The following FBXL15 variants were observed in gnomAD, a reference collection of about 807,000 sequenced individuals.
FBXL15 encodes F-box/LRR-repeat protein 15.
FBXL15 carries 19 observed loss-of-function variants against 23.6 expected under a neutral mutation model. The ratio of observed to expected loss-of-function variants is 0.81; its 90% confidence interval spans 0.56 to 1.18. The LOEUF (loss-of-function observed/expected upper bound fraction) is 1.18. FBXL15 is among the 50% of genes most tolerant of loss of function. The probability of loss-of-function intolerance (pLI) is 0.00; values close to 1 mark genes in which losing one functional copy is unlikely to be tolerated. For missense variants in FBXL15, 385 were observed against 425.4 expected (o/e 0.91, Z 0.83); for synonymous variants, 224 against 207.7 (o/e 1.08, Z -0.67).
At position 102,421,080 on chromosome 10, in the gene FBXL15, TC is replaced by T; in HGVS notation, c.-48del. ...AAGGAGGCGGGTTTGGTGCGGCCAC[TC>T]CAAGGCCAAAGCGAGAAAATCTTAC... On this transcript the variant is annotated 5_prime_UTR_variant, in exon 1 of 4. Coordinates refer to ENST00000369956, the MANE Select transcript of FBXL15 (RefSeq NM_024326.4). The T allele has an allele frequency of 1.9e-6, 3 of 1,575,052 alleles. No individual in the cohort carries two copies. Among genetic ancestry groups the T allele is most frequent in the Non-Finnish European group, 2.6e-6 (3 of 1,159,430 alleles).
Position 102,422,898 on chromosome 10 carries a change from G to A in FBXL15, c.808G>A (p.Gly270Ser), listed in dbSNP as rs2061579342. 3 of 1,609,208 alleles carry A rather than the reference G, an allele frequency of 1.9e-6. No homozygotes were observed. Among genetic ancestry groups the A allele is most frequent in the Non-Finnish European group, 2.5e-6 (3 of 1,178,550 alleles). ...ESSLSRLRKRGVDIDVEPPLH... is the reference protein window; with the variant it reads ...ESSLSRLRKRSVDIDVEPPLH... ...CAGCCTGAGCCGCTTGCGGAAGCGC[G>A]GCGTGGACATCGACGTGGAGCCGCC... is the stretch of plus-strand genomic sequence containing the variant. Residue 270 changes from glycine to serine, a missense_variant, in exon 4 of 4, where the codon GGC (glycine) becomes AGC (serine). By Grantham distance (56) the Gly-to-Ser change is moderately conservative. This residue lies in a region of FBXL15 where 255 missense variants were observed against 330.2 expected (regional missense o/e 0.77). Coordinates refer to ENST00000369956, the MANE Select transcript of FBXL15 (RefSeq NM_024326.4).
At chr10:102,421,653 G>A (rs1316043105) in intron 2 of FBXL15, 134 bp from the exon 3 acceptor site, 8 of 1,433,100 alleles carry the variant, frequency 5.6e-6, no homozygotes, top group Non-Finnish European at 7.3e-6. Flanking sequence ...CAAATACTCG[G>A]TAGCGACTCA....
In FBXL15 at chr10:102,422,814, G is replaced by T; in HGVS notation, c.724G>T (p.Glu242Ter). Residue 242 changes from glutamate (E) to a stop codon, truncating the protein, a stop_gained, in exon 4 of 4, where the codon GAG (glutamate) becomes TAG (stop). Transcript: ENST00000369956. LOFTEE classifies it high-confidence loss of function. ...VGSDGVRTLA[E>*]YCPVLRSLRV... The stretch of plus-strand genomic sequence containing the variant: ...CTGCTCCTCCCTCAGGACATTGGCC[G>T]AGTACTGCCCCGTGCTGCGTTCGCT... The T allele has an allele frequency of 1.2e-6, 2 of 1,604,480 alleles. No individual in the cohort carries two copies. The highest frequency in any genetic ancestry group is 1.7e-6 in the Non-Finnish European group (2 of 1,179,568).
chr10:102,422,808 T>G lies in FBXL15; in HGVS notation c.718T>G (p.Leu240Val), dbSNP rs60025237. The G allele has an allele frequency of 3.7e-6, 6 of 1,603,450 alleles. No individual in the cohort carries two copies. In the South Asian group the frequency reaches 6.6e-5, roughly 18 times the overall value. ...CTCACCCTGCTCCTCCCTCAGGACA[T>G]TGGCCGAGTACTGCCCCGTGCTGCG... ...LRVGSDGVRT[L>V]AEYCPVLRSL... Residue 240 changes from leucine to valine, a missense_variant, in exon 4 of 4, where the codon TTG becomes GTG. By Grantham distance (32) the Leu-to-Val change is conservative. Coordinates refer to ENST00000369956, the MANE Select transcript of FBXL15 (RefSeq NM_024326.4).
intron 1 of FBXL15, 64 bp from the exon 2 acceptor site, chr10:102,421,290 C>G: frequency 6.4e-7 from 1 of 1,558,102 alleles, no homozygotes; most frequent in Non-Finnish European, 8.7e-7. Context: ...AGGAACATAA[C>G]GGAGGCGGAC....
In FBXL15 at chr10:102,421,782, C is replaced by A; in HGVS notation, c.208-5C>A. ...CTGAGAGTTGGGGTGCCTCCCCGCC[C>A]GCAGGTGGGTCCGCAGATCCCGCGG... On this transcript the variant is annotated splice_region_variant and splice_polypyrimidine_tract_variant and intron_variant, in intron 2 of 3. Transcript: ENST00000369956. 1 of 1,543,814 alleles carries A rather than the reference C, an allele frequency of 6.5e-7. No homozygotes were observed. The highest frequency in any genetic ancestry group is 2.4e-5 in the East Asian group (1 of 41,918).
At position 102,421,049 on chromosome 10, in the gene FBXL15, C is replaced by T; in HGVS notation, c.-81C>T. On this transcript the variant is annotated 5_prime_UTR_variant, in exon 1 of 4. Transcript: ENST00000369956. ...ACTCGATTAAATAGGTCTGTCTCTA[C>T]AGGCCAAGGAGGCGGGTTTGGTGCG... The T allele has an allele frequency of 1.3e-6, 2 of 1,555,564 alleles. No homozygotes were observed. The highest frequency in any genetic ancestry group is 1.2e-5 in the South Asian group (1 of 84,574).
intron 3 of FBXL15, 49 bp downstream of exon 3, chr10:102,422,341 T>C (rs753763193): frequency 1.4e-6 from 2 of 1,463,680 alleles, no homozygotes; most frequent in East Asian, 2.5e-5. Context: ...TAGCCTCTGC[T>C]GGTATGGGGC....
rs758326693 is a variant in FBXL15 at position 102,422,801 on chromosome 10, C to T, written c.714-3C>T. ...CCCTAGCCTCACCCTGCTCCTCCCT[C>T]AGGACATTGGCCGAGTACTGCCCCG... is the stretch of plus-strand genomic sequence containing the variant. On this transcript the variant is annotated splice_region_variant and splice_polypyrimidine_tract_variant and intron_variant, in intron 3 of 3. Transcript: ENST00000369956. 1.3e-5 allele frequency: 21 copies of T among 1,601,748 alleles called. No homozygotes were observed. The highest frequency in any genetic ancestry group is 1.7e-5 in the Non-Finnish European group (20 of 1,179,306).
At chr10:102,422,666 T>G in intron 3 of FBXL15, 138 bp from the exon 4 acceptor site, 1 of 920,288 alleles carries the variant, frequency 1.1e-6, no homozygotes, top group Non-Finnish European at 1.6e-6. Flanking sequence ...ACGGAAAAAG[T>G]ATGCCCCTGC....
At position 102,421,137 on chromosome 10, in the gene FBXL15, C is replaced by T. The variant is rs769325950; in HGVS notation, c.8C>T (p.Pro3Leu). The change falls in exon 1 of 4, where the codon CCA becomes CTA. Residue 3 changes from proline to leucine, a missense_variant. Physicochemically the swap from Pro to Leu is moderately conservative, Grantham distance 98. Coordinates refer to ENST00000369956, the MANE Select transcript of FBXL15 (RefSeq NM_024326.4). ME[P>L]PMEPSGGEQE... Reference sequence around the variant, plus strand: ...ACGCGCAATAGACAGCCGATGGAGCCACCGATGGAGCCGTCCGGAGGGGAG... The same window carrying T: ...ACGCGCAATAGACAGCCGATGGAGCTACCGATGGAGCCGTCCGGAGGGGAG... 56 of 1,610,262 alleles carry T rather than the reference C, an allele frequency of 3.5e-5. No homozygotes were observed. In the Admixed American group the frequency reaches 4.5e-4, roughly 13 times the overall value.
chr10:102,422,161 T>C lies in FBXL15; in HGVS notation c.582T>C (p.Gly194=), dbSNP rs1375214657. The change falls in exon 3 of 4, where the codon GGT becomes GGC. Residue 194 remains glycine (G), a synonymous_variant. Transcript: ENST00000369956. ...IVYLAQRRGA[G]LRSLSLAVNA... is the part of the protein sequence containing the mutation. ...ACCTGGCGCAGAGGCGCGGCGCTGGTCTCCGCAGCCTCTCTCTGGCCGTCA... is the reference window on the plus strand; with the variant it reads ...ACCTGGCGCAGAGGCGCGGCGCTGGCCTCCGCAGCCTCTCTCTGGCCGTCA... 2 of 1,548,772 alleles carry C rather than the reference T, an allele frequency of 1.3e-6. No individual in the cohort carries two copies. The highest frequency in any genetic ancestry group is 1.7e-6 in the Non-Finnish European group (2 of 1,147,202).
rs1010332904 is a variant in FBXL15, at chr10:102,422,825, C to A, written c.735C>A (p.Pro245=). ...DGVRTLAEYC[P]VLRSLRVRHC... is the part of the protein sequence containing the mutation. ...TCAGGACATTGGCCGAGTACTGCCC[C>A]GTGCTGCGTTCGCTGCGGGTGCGGC... The change falls in exon 4 of 4, where the codon CCC becomes CCA. Residue 245 remains proline, a synonymous_variant. Coordinates refer to ENST00000369956, the MANE Select transcript of FBXL15 (RefSeq NM_024326.4). 1.2e-6 allele frequency: 2 copies of A among 1,607,124 alleles called. No homozygotes were observed.
At chr10:102,421,696 G>C (rs1427673515) in intron 2 of FBXL15, 91 bp from the exon 3 acceptor site, 1 of 1,470,210 alleles carries the variant, frequency 6.8e-7, no homozygotes, top group Non-Finnish European at 9.0e-7. Flanking sequence ...GGGAGAGCAG[G>C]AGGCTGCCAG....
chr10:102,421,164 A>C lies in FBXL15; in HGVS notation c.35A>C (p.Gln12Pro). The C allele has an allele frequency of 6.2e-7, 1 of 1,611,228 alleles. No homozygotes were observed. ...EPPMEPSGGE[Q>P]EPGAVRFLDL... The stretch of plus-strand genomic sequence containing the variant: ...CCGATGGAGCCGTCCGGAGGGGAGC[A>C]AGAGCCCGGAGCCGTCAGGTACCGA... Residue 12 changes from glutamine to proline, a missense_variant, in exon 1 of 4, where the codon CAA becomes CCA. Coordinates refer to ENST00000369956, the MANE Select transcript of FBXL15 (RefSeq NM_024326.4).
chr10:102,421,667 G>A, intron 2 of FBXL15, 120 bp from the exon 3 acceptor site: 2 of 1,438,430 alleles, frequency 1.4e-6, no homozygotes, highest in Non-Finnish European at 1.8e-6. Context: ...CGACTCAGAG[G>A]GAAAGTGGGG....
At chr10:102,422,783 C>T in intron 3 of FBXL15, 21 bp from the exon 4 acceptor site, 2 of 1,594,112 alleles carry the variant, frequency 1.3e-6, no homozygotes, top group African/African-American at 2.7e-5. Context: ...TGTCCCTAGC[C>T]TCACCCTGCT....
chr10:102,421,007 A>G lies in FBXL15; in HGVS notation c.-123A>G, dbSNP rs781509623. 6.5e-7 allele frequency: 1 copy of G among 1,544,204 alleles called. No homozygotes were observed. The highest frequency in any genetic ancestry group is 2.0e-5 in the Admixed American group (1 of 49,988). Reference sequence around the variant, plus strand: ...TCCACCCGAAAAGCTTTCAGATCGGATCCTCGGTGAGACGGCACTCGATTA... The same window carrying G: ...TCCACCCGAAAAGCTTTCAGATCGGGTCCTCGGTGAGACGGCACTCGATTA... On this transcript the variant is annotated 5_prime_UTR_variant, in exon 1 of 4. Coordinates refer to ENST00000369956, the MANE Select transcript of FBXL15 (RefSeq NM_024326.4).
At position 102,421,859 on chromosome 10, in the gene FBXL15, C is replaced by T; in HGVS notation, c.280C>T (p.Leu94=). 1.2e-6 allele frequency: 2 copies of T among 1,600,210 alleles called. No homozygotes were observed. Among genetic ancestry groups the T allele is most frequent in the African/African-American group, 1.3e-5 (1 of 75,016 alleles). Residue 94 remains leucine, a synonymous_variant, in exon 3 of 4, where the codon CTG becomes TTG. Coordinates refer to ENST00000369956, the MANE Select transcript of FBXL15 (RefSeq NM_024326.4). The part of the protein sequence containing the change: ...RDAEGLQELA[L]APCHEWLSDE... ...TGCCGAGGGGCTGCAGGAGCTGGCA[C>T]TGGCGCCGTGTCACGAATGGCTGTC...
Sources: gnomAD v4.1 joint callset for allele counts on GRCh38, gnomAD v4.1.1 for gene constraint, gnomAD v4.1.1 regional missense constraint, MANE v1.5 for transcripts, NCBI Gene and HGNC (gene_info 2026-07-23, HGNC 2026-07-21) for gene names.